DHX35: variants seen among roughly 807,000 people sequenced by gnomAD.
DHX35 encodes the protein DEAH-box helicase 35.
A neutral mutation model predicts 99.6 loss-of-function variants in DHX35; 84 were observed. The observed-to-expected ratio is 0.84, with a 90% CI of 0.71 to 1.01. The LOEUF is 1.01. Ranked by LOEUF, DHX35 falls within the 50% of genes least tolerant of loss-of-function variation. The probability of loss-of-function intolerance (pLI) is 0.00; values close to 1 mark genes in which losing one functional copy is unlikely to be tolerated. For missense variants in DHX35, 852 were observed against 888.5 expected, an observed-to-expected ratio of 0.96 and a Z score of 0.52; for synonymous variants, 331 against 316.2, an observed-to-expected ratio of 1.05 and a Z score of -0.50.
Position 38,996,724 on chromosome 20 carries a change from A to G in DHX35, c.642+1844A>G, listed in dbSNP as rs372696348. Among the ~76,000 whole-genome samples, 624 of 152,258 alleles carry G rather than the reference A, an allele frequency of 4.1e-3. 3 individuals are homozygous for G. The highest frequency in any genetic ancestry group is 0.019 in the South Asian group (94 of 4,822). On this transcript the variant is annotated intron_variant, in intron 8 of 21. Transcript: ENST00000252011. ...TTACCATAGCGAAGGTAAATGTCCAACGTGTCCCGAGACTGGTTTCTCAGA... is the reference window on the plus strand; with the variant it reads ...TTACCATAGCGAAGGTAAATGTCCAGCGTGTCCCGAGACTGGTTTCTCAGA...
chr20:38,976,252 C>G (rs2086074667), intron 3 of DHX35, among the ~76,000 whole-genome samples: 1 of 151,994 alleles, frequency 6.6e-6, no homozygotes, highest in African/African-American at 2.4e-5. Flanking sequence ...CCCTGTCTTC[C>G]TGGTACCCAT....
At position 38,988,858 on chromosome 20, in the gene DHX35, G is replaced by T; in HGVS notation, c.391G>T (p.Glu131Ter). 6.2e-7 allele frequency: 1 copy of T among 1,613,818 alleles called. No homozygotes were observed. Among genetic ancestry groups the T allele is most frequent in the Non-Finnish European group, 8.5e-7 (1 of 1,179,852 alleles). The change falls in exon 5 of 22, where the codon GAG (glutamate) becomes TAG (stop). Residue 131 changes from glutamate to a stop codon, truncating the protein, a stop_gained. Coordinates refer to ENST00000252011, the MANE Select transcript of DHX35 (RefSeq NM_021931.4). LOFTEE classifies it high-confidence loss of function. ...AEERGAVLGHEVGYCIRFDDC... is the reference protein window; with the variant it reads ...AEERGAVLGH ...AGAAAGGGGTGCAGTGCTGGGCCAC[G>T]AGGTGGGCTACTGCATCCGCTTTGA...
rs1253302746 is a variant in DHX35 at position 39,038,895 on chromosome 20, A to G, written c.*352A>G. The G allele has an allele frequency of 8.8e-6, 3 of 339,480 alleles. No individual in the cohort carries two copies. Among genetic ancestry groups the G allele is most frequent in the Non-Finnish European group, 1.6e-5 (3 of 181,938 alleles). 21.0% of individuals were successfully genotyped at this position (339,480 alleles called of 1,614,324 possible). On this transcript the variant is annotated 3_prime_UTR_variant, in exon 22 of 22. Transcript: ENST00000252011. ...GAGGAAAGTTAGCCACTGAAGGCCAAAACACCATGTGGGGTGGACAGAGGG... is the reference window on the plus strand; with the variant it reads ...GAGGAAAGTTAGCCACTGAAGGCCAGAACACCATGTGGGGTGGACAGAGGG...
intron 10 of DHX35, among the ~76,000 whole-genome samples, chr20:39,003,291 C>T (rs2086554600): frequency 6.6e-6 from 1 of 152,162 alleles, no homozygotes; most frequent in African/African-American, 2.4e-5. Flanking sequence ...GACCCAAGTG[C>T]TCGCTGACGG....
intron 1 of DHX35, among the ~76,000 whole-genome samples, chr20:38,965,271 A>G (rs2085894452): frequency 6.6e-6 from 1 of 152,248 alleles, no homozygotes; most frequent in African/African-American, 2.4e-5. Context: ...CAGTCACAGT[A>G]TCTCTGTGAT....
intron 16 of DHX35, 31 bp from the exon 17 acceptor site, chr20:39,023,659 G>A (rs753154261): frequency 3.7e-6 from 6 of 1,609,152 alleles, no homozygotes; most frequent in South Asian, 1.1e-5. Flanking sequence ...AGCAAAGAGT[G>A]AAATTCTGAA....
At chr20:39,033,989 A>G (rs1202174261) in intron 20 of DHX35, among the ~76,000 whole-genome samples, 1 of 152,202 alleles carries the variant, frequency 6.6e-6, no homozygotes, top group Non-Finnish European at 1.5e-5. Flanking sequence ...TCCAGAAGTC[A>G]TTGAGGATTT....
intron 7 of DHX35, among the ~76,000 whole-genome samples, chr20:38,994,328 A>G (rs925699124): frequency 2.0e-5 from 3 of 151,868 alleles, no homozygotes; most frequent in Non-Finnish European, 2.9e-5. Flanking sequence ...GCTGTAGCTC[A>G]TTTGGTCACT....
At chr20:39,018,639 A>G (rs1308320854) in intron 14 of DHX35, among the ~76,000 whole-genome samples, 165 bp from the exon 15 acceptor site, 1 of 151,756 alleles carries the variant, frequency 6.6e-6, no homozygotes, top group Non-Finnish European at 1.5e-5. Flanking sequence ...TCTTCTTTTA[A>G]GGTAATGGCA....
chr20:38,971,454 TTGTC>T (rs997489999), intron 2 of DHX35, among the ~76,000 whole-genome samples: 24 of 152,120 alleles, frequency 1.6e-4, no homozygotes, highest in South Asian at 2.1e-4. Flanking sequence ...ACCTGTTCCC[TTGTC>T]TGCCTTCTTT....
At chr20:39,021,528 T>A (rs1296014544) in intron 15 of DHX35, among the ~76,000 whole-genome samples, 1 of 152,196 alleles carries the variant, frequency 6.6e-6, no homozygotes, top group Admixed American at 6.5e-5. Flanking sequence ...GAGGGTCTTG[T>A]GCTGTCACCC....
chr20:39,015,052 A>G (rs762320611), intron 14 of DHX35, 118 bp downstream of exon 14: 16 of 1,142,172 alleles, frequency 1.4e-5, no homozygotes, highest in Non-Finnish European at 1.8e-5. Context: ...TTCTCCCCAT[A>G]TATATAATCC....
chr20:39,010,141 T>TTAA, intron 12 of DHX35, 139 bp from the exon 13 acceptor site: 3 of 1,080,356 alleles, frequency 2.8e-6, no homozygotes, highest in Non-Finnish European at 4.1e-6. Flanking sequence ...AATAACTTTA[T>TTAA]ATCATGGTAT....
At chr20:39,031,398 G>A (rs929967269) in intron 20 of DHX35, among the ~76,000 whole-genome samples, 7 of 149,904 alleles carry the variant, frequency 4.7e-5, no homozygotes, top group Non-Finnish European at 7.4e-5. Context: ...CAGTGACGGC[G>A]CTATCTTGGC....
intron 8 of DHX35, among the ~76,000 whole-genome samples, chr20:38,995,709 A>G (rs1279541732): frequency 6.6e-6 from 1 of 152,216 alleles, no homozygotes; most frequent in Non-Finnish European, 1.5e-5. Context: ...CAGTGTGTTC[A>G]AAGTTCTGAG....
chr20:38,998,892 G>A (rs1262556359), intron 8 of DHX35, among the ~76,000 whole-genome samples: 1 of 152,100 alleles, frequency 6.6e-6, no homozygotes, highest in East Asian at 1.9e-4. Flanking sequence ...CGCCTCGCAG[G>A]TTCAAACGAT....
At chr20:39,008,021 T>C (rs540730793) in intron 12 of DHX35, among the ~76,000 whole-genome samples, 13 of 152,304 alleles carry the variant, frequency 8.5e-5, no homozygotes, top group African/African-American at 3.1e-4. Context: ...CAGAATAAAA[T>C]CCCTTATGCT....
In DHX35 at chr20:38,979,918, T is replaced by G. The variant is rs77522416; in HGVS notation, c.268-3781T>G. ...TCTTCTTAAGTACAATTTTTATTAGTACTGTTATTGGTGGAGTTCTTCCTA... is the reference window on the plus strand; with the variant it reads ...TCTTCTTAAGTACAATTTTTATTAGGACTGTTATTGGTGGAGTTCTTCCTA... On this transcript the variant is annotated intron_variant, in intron 3 of 21. Coordinates refer to ENST00000252011, the MANE Select transcript of DHX35 (RefSeq NM_021931.4). 4.6e-3 allele frequency among the ~76,000 whole-genome samples: 702 copies of G among 151,992 alleles called. 8 individuals carry two copies. The highest frequency in any genetic ancestry group is 0.016 in the African/African-American group (677 of 41,462).
intron 15 of DHX35, among the ~76,000 whole-genome samples, chr20:39,019,706 G>A (rs78523955): frequency 6.6e-6 from 1 of 151,936 alleles, no homozygotes; most frequent in East Asian, 1.9e-4. Flanking sequence ...CATTTTTTTT[G>A]TGCTAAGAAT....
Sources: gnomAD v4.1 joint callset for allele counts (sites outside exome capture counted in the v4.1 genomes callset) on GRCh38, gnomAD v4.1.1 for gene constraint, MANE v1.5 for transcripts, NCBI Gene and HGNC (gene_info 2026-07-23, HGNC 2026-07-21) for gene names.